MTMR10: variants seen among roughly 807,000 people sequenced by gnomAD.
MTMR10 encodes myotubularin related protein 10.
MTMR10 carries 56 observed loss-of-function variants against 88.1 expected under a neutral mutation model. That is an observed-to-expected ratio of 0.64 (90% CI 0.51 to 0.79). The LOEUF (loss-of-function observed/expected upper bound fraction) is 0.79. Among genes scored for constraint, MTMR10 ranks in the 30% least tolerant of loss-of-function variants. MTMR10 has a pLI of 0.00. For missense variants in MTMR10, 883 were observed against 924.7 expected, an observed-to-expected ratio of 0.95 and a Z score of 0.58; for synonymous variants, 380 against 340.9, an observed-to-expected ratio of 1.11 and a Z score of -1.26.
chr15:30,962,754 G>T (rs2063419596), intron 6 of MTMR10, among the ~76,000 whole-genome samples: 1 of 152,204 alleles, frequency 6.6e-6, no homozygotes, highest in Non-Finnish European at 1.5e-5. Flanking sequence ...ATTAATAAGT[G>T]TGATAATCAC....
chr15:30,981,697 T>C (rs2030587235), intron 2 of MTMR10, among the ~76,000 whole-genome samples: 1 of 152,258 alleles, frequency 6.6e-6, no homozygotes, highest in African/African-American at 2.4e-5. Flanking sequence ...GGTGGTTTGT[T>C]AGAACAGAAA....
the MTMR10 span, chr15:30,928,027 G>A: frequency 2.0e-6 from 2 of 989,274 alleles, no homozygotes; most frequent in Non-Finnish European, 2.4e-6. Flanking sequence ...CTAGGGCAGT[G>A]TAGTACCCAG....
intron 12 of MTMR10, chr15:30,949,099 A>T (rs1382520963): frequency 1.3e-5 from 2 of 152,312 alleles, no homozygotes; most frequent in African/African-American, 4.8e-5. Flanking sequence ...GTAACGTACC[A>T]CAGTAATAAA....
At chr15:30,931,705 T>C in the MTMR10 span, among the ~76,000 whole-genome samples, 15 of 152,326 alleles carry the variant, frequency 9.8e-5, no homozygotes, top group African/African-American at 3.4e-4. Flanking sequence ...ATTCCCTCTG[T>C]ATCTTTGTCA....
chr15:30,976,727 A>G (rs1595941850), intron 3 of MTMR10, 92 bp downstream of exon 3: 4 of 1,380,910 alleles, frequency 2.9e-6, no homozygotes, highest in Middle Eastern at 1.9e-4. Context: ...TACTTCTACT[A>G]TAACTTTTCC....
At chr15:30,950,489 G>C (rs1485448019) in intron 12 of MTMR10, among the ~76,000 whole-genome samples, 3 of 152,068 alleles carry the variant, frequency 2.0e-5, no homozygotes, top group Non-Finnish European at 4.4e-5. Context: ...GGCCAACAAG[G>C]TGAAACCCCA....
At chr15:30,989,773 G>C (rs2031186858) in intron 2 of MTMR10, among the ~76,000 whole-genome samples, 1 of 151,704 alleles carries the variant, frequency 6.6e-6, no homozygotes, top group African/African-American at 2.4e-5. Flanking sequence ...TTTTAGTAGA[G>C]ATGGGGTTTC....
chr15:30,943,077 AAAAT>A lies in MTMR10; in HGVS notation c.1549-9_1549-6del, dbSNP rs769521928. 68 of 1,524,516 alleles carry A rather than the reference AAAAT, an allele frequency of 4.5e-5. No individual in the cohort carries two copies. The highest frequency in any genetic ancestry group is 2.2e-4 in the East Asian group (9 of 40,820). The allele number at this position is 1,524,516 out of a possible 1,614,324, so 94.4% of individuals were successfully genotyped here. On this transcript the variant is annotated splice_polypyrimidine_tract_variant and splice_region_variant and intron_variant, in intron 14 of 15. Coordinates refer to ENST00000435680, the MANE Select transcript of MTMR10 (RefSeq NM_017762.3). ...GTTTTTGCTTATAGCAAATTCCTGC[AAAAT>A]AAATAAATAAATATTTGCAAAACTA...
Position 30,939,111 on chromosome 15 carries a change from C to CT in MTMR10, c.*2358dup. ...ATCAAGTTTTAACCACTTGAGGTTA[C>CT]TACTGCAGCAAGCAGATTTTGTTGA... On this transcript the variant is annotated 3_prime_UTR_variant, in exon 16 of 16. Coordinates refer to ENST00000435680, the MANE Select transcript of MTMR10 (RefSeq NM_017762.3). The CT allele has an allele frequency of 1.0e-6, 1 of 985,438 alleles. No individual in the cohort carries two copies. Among genetic ancestry groups the CT allele is most frequent in the South Asian group, 4.7e-5 (1 of 21,286 alleles). The allele number at this position is 985,438 out of a possible 1,614,324, so 61.0% of individuals were successfully genotyped here.
the MTMR10 span, chr15:30,927,174 A>T: frequency 1.0e-6 from 1 of 960,784 alleles, no homozygotes; most frequent in South Asian, 4.8e-5. Flanking sequence ...GTGCCACTGC[A>T]CTCCAGTCTG....
At chr15:30,949,326 C>CT (rs1404708828) in intron 12 of MTMR10, 1 of 152,214 alleles carries the variant, frequency 6.6e-6, no homozygotes, top group Non-Finnish European at 1.5e-5. Flanking sequence ...CTCTACACTT[C>CT]TCCATCTCAT....
chr15:30,924,952 T>G, the MTMR10 span: 1 of 623,652 alleles, frequency 1.6e-6, no homozygotes, highest in South Asian at 2.7e-5. Context: ...CCAGATGCAT[T>G]GAAATCCTCA....
At chr15:30,990,907 T>C in intron 1 of MTMR10, 70 bp from the exon 2 acceptor site, 2 of 1,354,212 alleles carry the variant, frequency 1.5e-6, no homozygotes, top group Non-Finnish European at 2.0e-6. Flanking sequence ...ACAGCAAATG[T>C]TGTTTTCTAA....
intron 9 of MTMR10, among the ~76,000 whole-genome samples, chr15:30,957,461 G>A (rs1431753409): frequency 6.6e-6 from 1 of 152,166 alleles, no homozygotes; most frequent in African/African-American, 2.4e-5. Flanking sequence ...AGTGGCTCAC[G>A]CCTGTAATCC....
intron 15 of MTMR10, 38 bp downstream of exon 15, chr15:30,942,852 G>A (rs559837944): frequency 7.2e-6 from 11 of 1,524,618 alleles, no homozygotes; most frequent in South Asian, 3.7e-5. Context: ...GTTTGGTTAC[G>A]TGTGAGCCAA....
At chr15:30,922,184 A>G in the MTMR10 span, 3 of 1,588,034 alleles carry the variant, frequency 1.9e-6, no homozygotes, top group African/African-American at 4.1e-5. Flanking sequence ...ATATCATTGC[A>G]GCTGGATTTT....
downstream of MTMR10, among the ~76,000 whole-genome samples, chr15:30,935,185 G>T (rs567575001): frequency 6.6e-6 from 1 of 152,132 alleles, no homozygotes; most frequent in Non-Finnish European, 1.5e-5. Flanking sequence ...GTGTGCACTT[G>T]TAGTCCCAGC....
At chr15:30,966,075 C>A (rs1387238077) in intron 6 of MTMR10, 2 of 453,766 alleles carry the variant, frequency 4.4e-6, no homozygotes, top group Middle Eastern at 3.3e-4. Flanking sequence ...AAGGATGTTA[C>A]CCTACGAGGA....
intron 12 of MTMR10, among the ~76,000 whole-genome samples, chr15:30,950,869 T>C (rs952890406): frequency 1.3e-5 from 2 of 152,216 alleles, no homozygotes; most frequent in Non-Finnish European, 2.9e-5. Flanking sequence ...CATCCTCCTG[T>C]ACACTTTAAG....
Sources: gnomAD v4.1 joint callset for allele counts (sites outside exome capture counted in the v4.1 genomes callset) on GRCh38, gnomAD v4.1.1 for gene constraint, MANE v1.5 for transcripts, NCBI Gene and HGNC (gene_info 2026-07-23, HGNC 2026-07-21) for gene names.